Variants in ATRNL1 observed in about 807,000 individuals in gnomAD.
The protein encoded by ATRNL1 is attractin-like protein 1.
ATRNL1 carries 95 observed loss-of-function variants against 182.7 expected under a neutral mutation model. That is an observed-to-expected ratio of 0.52 (90% CI 0.44 to 0.62). The LOEUF (loss-of-function observed/expected upper bound fraction) is 0.62. Among genes scored for constraint, ATRNL1 ranks in the 20% least tolerant of loss-of-function variants. The pLI, the probability that ATRNL1 is intolerant of heterozygous loss-of-function variation, is 0.00. For missense variants in ATRNL1, 1,471 were observed against 1,679.5 expected, an observed-to-expected ratio of 0.88 and a Z score of 2.17; for synonymous variants, 576 against 568.3, an observed-to-expected ratio of 1.01 and a Z score of -0.19.
chr10:115,116,947 ATTG>A (rs1237929696), intron 1 of ATRNL1, among the ~76,000 whole-genome samples: 1 of 152,030 alleles, frequency 6.6e-6, no homozygotes, highest in African/African-American at 2.4e-5. Flanking sequence ...AGGTACTCCT[ATTG>A]TTTAGCTTAG....
At chr10:115,645,573 A>G (rs1859557249) in intron 26 of ATRNL1, among the ~76,000 whole-genome samples, 1 of 151,296 alleles carries the variant, frequency 6.6e-6, no homozygotes, top group Admixed American at 6.6e-5. Context: ...AGCACTACAG[A>G]ATTTTCCAAG....
chr10:115,501,191 C>A (rs1849817448), intron 24 of ATRNL1, among the ~76,000 whole-genome samples: 1 of 152,094 alleles, frequency 6.6e-6, no homozygotes, highest in Non-Finnish European at 1.5e-5. Context: ...GTTTTAGCCT[C>A]CCAAAGTGCT....
chr10:115,324,045 G>A (rs553559715), intron 18 of ATRNL1, among the ~76,000 whole-genome samples: 2 of 152,274 alleles, frequency 1.3e-5, no homozygotes, highest in South Asian at 2.1e-4. Flanking sequence ...CCAAAGTGCT[G>A]GGATTACAGG....
intron 19 of ATRNL1, among the ~76,000 whole-genome samples, chr10:115,360,879 G>T (rs1388566059): frequency 4.6e-5 from 7 of 151,702 alleles, no homozygotes; most frequent in African/African-American, 1.5e-4. Context: ...GCTACAATTT[G>T]TGTTTGCTAT....
intron 26 of ATRNL1, among the ~76,000 whole-genome samples, chr10:115,654,420 T>C (rs1304276255): frequency 1.3e-5 from 2 of 152,050 alleles, no homozygotes; most frequent in African/African-American, 2.4e-5. Flanking sequence ...GGTTTTGCCA[T>C]GTTGACCAGG....
At chr10:115,112,868 C>G (rs2143546698) in intron 1 of ATRNL1, among the ~76,000 whole-genome samples, 1 of 152,298 alleles carries the variant, frequency 6.6e-6, no homozygotes, top group Non-Finnish European at 1.5e-5. Flanking sequence ...TTACTCAATT[C>G]TGAATGCAAA....
chr10:115,734,253 C>A (rs782461266), intron 27 of ATRNL1, among the ~76,000 whole-genome samples: 25 of 151,968 alleles, frequency 1.6e-4, no homozygotes, highest in Non-Finnish European at 2.8e-4. Context: ...TGCTTATTTA[C>A]TTTCTAGAAA....
intron 8 of ATRNL1, among the ~76,000 whole-genome samples, chr10:115,214,506 A>G (rs1263310139): frequency 6.6e-6 from 1 of 151,896 alleles, no homozygotes; most frequent in Non-Finnish European, 1.5e-5. Flanking sequence ...TCTATTTTTT[A>G]TGATCATTGT....
At chr10:115,267,500 C>T (rs1851656610) in intron 12 of ATRNL1, among the ~76,000 whole-genome samples, 1 of 151,496 alleles carries the variant, frequency 6.6e-6, no homozygotes, top group African/African-American at 2.4e-5. Context: ...GAAAAGTTAC[C>T]AGTCAATTAT....
At chr10:115,161,331 A>G (rs1264977815) in intron 6 of ATRNL1, among the ~76,000 whole-genome samples, 1 of 152,018 alleles carries the variant, frequency 6.6e-6, no homozygotes, top group African/African-American at 2.4e-5. Flanking sequence ...GAATTTTTTA[A>G]CATGAAGAAT....
At chr10:115,343,137 C>G (rs1395476313) in intron 19 of ATRNL1, among the ~76,000 whole-genome samples, 1 of 152,002 alleles carries the variant, frequency 6.6e-6, no homozygotes, top group African/African-American at 2.4e-5. Flanking sequence ...GTTCTATAAC[C>G]TTCTTGTACT....
rs1565335037 is a variant in ATRNL1 at position 115,738,132 on chromosome 10, T to G, written c.3903+10777T>G. On this transcript the variant is annotated intron_variant, in intron 27 of 28. Coordinates refer to ENST00000355044, the MANE Select transcript of ATRNL1 (RefSeq NM_207303.4). ...AATGATTTAGAAGATAATGATTTTT[T>G]TTTTTTTTTTTTTTTTTTTTTTTTG... Among the ~76,000 whole-genome samples the G allele has an allele frequency of 6.0e-5, 3 of 49,816 alleles. No homozygotes were observed. In the Admixed American group the frequency reaches 6.8e-4, roughly 11 times the overall value. 32.7% of individuals were successfully genotyped at this position (49,816 alleles called of 152,430 possible). A position where few individuals can be genotyped will look rare whatever the true frequency, so the allele number is the denominator to read the frequency against.
At chr10:115,502,516 A>G (rs1849896141) in intron 24 of ATRNL1, among the ~76,000 whole-genome samples, 1 of 152,128 alleles carries the variant, frequency 6.6e-6, no homozygotes, top group African/African-American at 2.4e-5. Flanking sequence ...AAGAAGCCCT[A>G]GTAAAAATAG....
At chr10:115,146,802 C>CATT (rs112187892) in intron 5 of ATRNL1, among the ~76,000 whole-genome samples, 5 of 145,706 alleles carry the variant, frequency 3.4e-5, no homozygotes, top group African/African-American at 1.3e-4. Flanking sequence ...TGATTTCATT[C>CATT]TTTTTTTTTT....
chr10:115,476,672 C>T (rs1295627631), intron 24 of ATRNL1, among the ~76,000 whole-genome samples: 1 of 151,204 alleles, frequency 6.6e-6, no homozygotes, highest in Non-Finnish European at 1.5e-5. Flanking sequence ...ACTTTCAGCT[C>T]TCCAAATATC....
intron 26 of ATRNL1, among the ~76,000 whole-genome samples, chr10:115,703,465 T>C (rs1946802060): frequency 6.6e-6 from 1 of 151,674 alleles, no homozygotes; most frequent in Non-Finnish European, 1.5e-5. Flanking sequence ...TTGTTATAAA[T>C]ATCAAAAAGT....
In ATRNL1 at chr10:115,449,417, A is replaced by G. The variant is rs1565055304; in HGVS notation, c.3323-12524A>G. Reference sequence around the variant, plus strand: ...CCCACTGCAAGCCACTTTCATTGGCAATAAAATCCTCCATATTCACCACCC... The same window carrying G: ...CCCACTGCAAGCCACTTTCATTGGCGATAAAATCCTCCATATTCACCACCC... On this transcript the variant is annotated intron_variant, in intron 21 of 28. Transcript: ENST00000355044. 2.0e-5 allele frequency among the ~76,000 whole-genome samples: 3 copies of G among 152,168 alleles called. No homozygotes were observed. The South Asian group carries it at 6.2e-4, about 31-fold the overall frequency.
chr10:115,491,333 C>T (rs1429938865), intron 24 of ATRNL1, among the ~76,000 whole-genome samples: 7 of 152,162 alleles, frequency 4.6e-5, no homozygotes, highest in African/African-American at 1.7e-4. Flanking sequence ...TCTGCTGAAG[C>T]TGCCCCCACA....
At chr10:115,488,421 G>A (rs186701318) in intron 24 of ATRNL1, among the ~76,000 whole-genome samples, 191 of 152,236 alleles carry the variant, frequency 1.3e-3, no homozygotes, top group African/African-American at 4.5e-3. Context: ...TCTATTTAGG[G>A]ATTCAACTTA....
Sources: gnomAD v4.1 joint callset for allele counts (sites outside exome capture counted in the v4.1 genomes callset) on GRCh38, gnomAD v4.1.1 for gene constraint, MANE v1.5 for transcripts, NCBI Gene and HGNC (gene_info 2026-07-23, HGNC 2026-07-21) for gene names.